Variants in RUNDC3B observed in about 807,000 individuals in gnomAD.
The protein encoded by RUNDC3B is RUN domain-containing protein 3B.
In RUNDC3B, 33 loss-of-function variants were observed where a neutral mutation model predicts 58.4. The ratio of observed to expected loss-of-function variants is 0.56; its 90% CI spans 0.43 to 0.75. The LOEUF is 0.75. Among genes scored for constraint, RUNDC3B ranks in the 30% least tolerant of loss-of-function variants. RUNDC3B has a pLI of 0.00. For missense variants in RUNDC3B, 501 were observed against 535.7 expected (o/e 0.94, Z 0.64); for synonymous variants, 193 against 195.2 (o/e 0.99, Z 0.10).
chr7:87,710,621 A>C lies in RUNDC3B; in HGVS notation c.424A>C (p.Ile142Leu). The C allele has an allele frequency of 1.2e-6, 2 of 1,602,986 alleles. No homozygotes were observed. Among genetic ancestry groups the C allele is most frequent in the Admixed American group, 3.4e-5 (2 of 59,306 alleles). ...CATGGAAAAACATTTATCTGAATAC[A>C]TCTCTACAGCTCTGAGAGACTTCAA... ...ALMEKHLSEY[I>L]STALRDFKTT... is the part of the protein sequence containing the mutation. The change falls in exon 4 of 11, where the codon ATC (isoleucine) becomes CTC (leucine). Residue 142 changes from isoleucine to leucine, a missense_variant. By Grantham distance (5) the Ile-to-Leu change is conservative (BLOSUM62 2). Transcript: ENST00000394654.
chr7:87,716,236 C>T (rs1428864284), intron 4 of RUNDC3B, among the ~76,000 whole-genome samples: 5 of 152,224 alleles, frequency 3.3e-5, no homozygotes, highest in Admixed American at 2.6e-4. Flanking sequence ...GTCACTGTTG[C>T]CAGATTTGTG....
chr7:87,683,554 G>A (rs938148847), intron 2 of RUNDC3B, among the ~76,000 whole-genome samples: 1 of 152,186 alleles, frequency 6.6e-6, no homozygotes, highest in Non-Finnish European at 1.5e-5. Context: ...AGGAGAAAGA[G>A]AGAGATGGGA....
chr7:87,647,887 G>C (rs1288004092), intron 1 of RUNDC3B, among the ~76,000 whole-genome samples: 3 of 152,052 alleles, frequency 2.0e-5, no homozygotes, highest in African/African-American at 7.2e-5. Flanking sequence ...GTACAGAAAA[G>C]AAATGGAAAA....
chr7:87,645,085 T>C lies in RUNDC3B; in HGVS notation c.123-5737T>C, dbSNP rs189852539. Among the ~76,000 whole-genome samples the C allele has an allele frequency of 6.2e-4, 93 of 150,064 alleles. 1 individual carries two copies. The highest frequency in any genetic ancestry group is 5.6e-4 in the African/African-American group (23 of 41,184). On this transcript the variant is annotated intron_variant, in intron 1 of 10. Coordinates refer to ENST00000394654, the MANE Select transcript of RUNDC3B (RefSeq NM_001134405.2). ...AGTCACAATCATGCTTTCTTTCTTT[T>C]TTTTTTTTTTTTTTGAGACAGAGTT...
chr7:87,794,644 AC>A lies in RUNDC3B; in HGVS notation c.957-12728del, dbSNP rs1354766183. On this transcript the variant is annotated intron_variant, in intron 8 of 10. Coordinates refer to ENST00000394654, the MANE Select transcript of RUNDC3B (RefSeq NM_001134405.2). ...TAGAAACAAAAAAAAAAAAAACCTAACATTTTTATGGAACCACAAAAAACCC... is the reference window on the plus strand; with the variant it reads ...TAGAAACAAAAAAAAAAAAAACCTAAATTTTTATGGAACCACAAAAAACCC... Among the ~76,000 whole-genome samples the A allele has an allele frequency of 7.2e-5, 11 of 152,118 alleles. 1 individual carries two copies. In the South Asian group the frequency reaches 1.9e-3, roughly 26 times the overall value.
At chr7:87,630,807 G>A (rs1340405999) in intron 1 of RUNDC3B, among the ~76,000 whole-genome samples, 1 of 151,306 alleles carries the variant, frequency 6.6e-6, no homozygotes, top group African/African-American at 2.4e-5. Context: ...TGTCTTGGCT[G>A]GCTTTAGGTC....
At chr7:87,818,869 T>A (rs1837232074) in intron 10 of RUNDC3B, among the ~76,000 whole-genome samples, 1 of 151,854 alleles carries the variant, frequency 6.6e-6, no homozygotes, top group Non-Finnish European at 1.5e-5. Flanking sequence ...AGAGAAGCAG[T>A]GTTAAGAAGG....
chr7:87,805,085 AAAG>A (rs1563220996), intron 8 of RUNDC3B, among the ~76,000 whole-genome samples: 1 of 152,186 alleles, frequency 6.6e-6, no homozygotes, highest in Admixed American at 6.6e-5. Flanking sequence ...ATAGGCTTAG[AAAG>A]AAGGAGACTG....
At chr7:87,638,545 C>G (rs1306999139) in intron 1 of RUNDC3B, among the ~76,000 whole-genome samples, 1 of 151,796 alleles carries the variant, frequency 6.6e-6, no homozygotes, top group Non-Finnish European at 1.5e-5. Flanking sequence ...TTCAGATTTC[C>G]TGTGTCTTCT....
intron 8 of RUNDC3B, among the ~76,000 whole-genome samples, chr7:87,781,232 T>C (rs893114090): frequency 1.3e-5 from 2 of 152,128 alleles, no homozygotes; most frequent in Non-Finnish European, 2.9e-5. Flanking sequence ...CTCAGGTATT[T>C]TGTGCATGTG....
intron 2 of RUNDC3B, among the ~76,000 whole-genome samples, chr7:87,662,762 A>G (rs889802905): frequency 4.6e-5 from 7 of 152,042 alleles, no homozygotes; most frequent in Admixed American, 3.9e-4. Context: ...TATGAATTTT[A>G]GGATTGGTTT....
At position 87,738,165 on chromosome 7, in the gene RUNDC3B, A is replaced by G. The variant is rs114571990; in HGVS notation, c.459-1626A>G. Among the ~76,000 whole-genome samples the G allele has an allele frequency of 2.9e-3, 443 of 152,194 alleles. 3 individuals are homozygous for G. The highest frequency in any genetic ancestry group is 9.9e-3 in the African/African-American group (410 of 41,582). On this transcript the variant is annotated intron_variant, in intron 4 of 10. Coordinates refer to ENST00000394654, the MANE Select transcript of RUNDC3B (RefSeq NM_001134405.2). Reference sequence around the variant, plus strand: ...AAAAACAAGATTCTTTTCCAAATTCATATGTCTCATAGAATTTAGTGGTCT... The same window carrying G: ...AAAAACAAGATTCTTTTCCAAATTCGTATGTCTCATAGAATTTAGTGGTCT...
At chr7:87,638,877 G>A (rs540500060) in intron 1 of RUNDC3B, among the ~76,000 whole-genome samples, 2 of 152,186 alleles carry the variant, frequency 1.3e-5, no homozygotes, top group South Asian at 4.1e-4. Context: ...TGTCGGCTGG[G>A]CATGGTGGCT....
At chr7:87,675,653 C>CAAAAAAAAAAAAAAAAAAAAGAAAAAAGA in intron 2 of RUNDC3B, among the ~76,000 whole-genome samples, 1 of 65,852 alleles carries the variant, frequency 1.5e-5, no homozygotes, top group Non-Finnish European at 3.3e-5. Flanking sequence ...TATTCACATG[C>CAAAAAAAAAAAAAAAAAAAAGAAAAAAGA]AAAAAAAAAA....
At chr7:87,780,736 G>A (rs1490729841) in intron 8 of RUNDC3B, among the ~76,000 whole-genome samples, 1 of 152,100 alleles carries the variant, frequency 6.6e-6, no homozygotes, top group East Asian at 1.9e-4. Context: ...ATTGAATAGG[G>A]AGTCCTTTCT....
intron 4 of RUNDC3B, among the ~76,000 whole-genome samples, chr7:87,716,286 C>T (rs1830550944): frequency 6.6e-6 from 1 of 152,158 alleles, no homozygotes; most frequent in African/African-American, 2.4e-5. Flanking sequence ...CAAGCTTATT[C>T]TGAGAATATA....
intron 1 of RUNDC3B, 112 bp downstream of exon 1, chr7:87,629,057 C>G: frequency 9.4e-7 from 1 of 1,060,930 alleles, no homozygotes; most frequent in Non-Finnish European, 1.2e-6. Context: ...CCAGTGCCCC[C>G]GCCTATGTTG....
chr7:87,802,743 G>T (rs532958593), intron 8 of RUNDC3B, among the ~76,000 whole-genome samples: 1 of 151,934 alleles, frequency 6.6e-6, no homozygotes, highest in Admixed American at 6.6e-5. Context: ...AGTGGCTCAC[G>T]CCTGTAATCC....
At chr7:87,705,384 C>A (rs1054635321) in intron 3 of RUNDC3B, among the ~76,000 whole-genome samples, 1 of 152,204 alleles carries the variant, frequency 6.6e-6, no homozygotes, top group African/African-American at 2.4e-5. Context: ...CGAGATCATG[C>A]CATTGCACTG....
Sources: allele counts gnomAD v4.1 joint callset (sites outside exome capture counted in the v4.1 genomes callset), GRCh38; gene constraint gnomAD v4.1.1; transcripts MANE v1.5; gene names NCBI Gene and HGNC (gene_info 2026-07-23, HGNC 2026-07-21).